The following EPG5 variants were observed in gnomAD, a reference collection of about 807,000 sequenced individuals.
EPG5 encodes ectopic P granules protein 5 homolog.
Under a neutral mutation model 302.7 loss-of-function variants are expected in EPG5, and 159 were observed. The observed-to-expected ratio is 0.53, with a 90% CI of 0.46 to 0.60. The LOEUF (loss-of-function observed/expected upper bound fraction) is 0.60, where lower values mean the gene tolerates loss of function less well. EPG5 is among the 20% of genes least tolerant of loss of function. The pLI is 0.00. For missense variants in EPG5, 2,896 were observed against 3,092.4 expected (o/e 0.94, Z 1.51); for synonymous variants, 1,158 against 1,136.8 (o/e 1.02, Z -0.37).
rs144966214 is a variant in EPG5 at position 45,914,220 on chromosome 18, G to A, written c.3694-392C>T. Among the ~76,000 whole-genome samples, 81 of 152,286 alleles carry A rather than the reference G, an allele frequency of 5.3e-4. No individual in the cohort carries two copies. In the East Asian group the frequency reaches 9.8e-3, roughly 18 times the overall value. On this transcript the variant is annotated intron_variant, in intron 20 of 43. Transcript: ENST00000282041. Reference sequence around the variant, plus strand: ...GCAAAATGTGAAGTTGAGCAGTGACGAGGACTGAGTCAAGGTAAAGTGCTA... The same window carrying A: ...GCAAAATGTGAAGTTGAGCAGTGACAAGGACTGAGTCAAGGTAAAGTGCTA...
chr18:45,926,292 T>C (rs2050266292), intron 13 of EPG5, among the ~76,000 whole-genome samples: 1 of 152,042 alleles, frequency 6.6e-6, no homozygotes, highest in South Asian at 2.1e-4. Flanking sequence ...GATACTCTAT[T>C]GGCTTCCAAG....
chr18:45,950,337 G>A (rs543464780), intron 4 of EPG5, among the ~76,000 whole-genome samples: 1 of 152,236 alleles, frequency 6.6e-6, no homozygotes, highest in Admixed American at 6.5e-5. Context: ...CTTCTCCATT[G>A]TGGGAGAGAC....
At chr18:45,840,117 G>A in the EPG5 span, 26 of 1,417,440 alleles carry the variant, frequency 1.8e-5, no homozygotes, top group South Asian at 1.1e-4. Context: ...TGGTTTCCTC[G>A]AGACCCCTTC....
chr18:45,860,045 A>G lies in EPG5; in HGVS notation c.7009+59T>C, dbSNP rs2048599951. 16 of 1,593,324 alleles carry G rather than the reference A, an allele frequency of 1.0e-5. 1 individual carries two copies. The highest frequency in any genetic ancestry group is 9.0e-5 in the South Asian group (8 of 89,112). ...TCTGGAAACATATCTGCTGATGACAATGCTTTCATCTTTCTGGAAAAGACC... is the reference window on the plus strand; with the variant it reads ...TCTGGAAACATATCTGCTGATGACAGTGCTTTCATCTTTCTGGAAAAGACC... On this transcript the variant is annotated intron_variant, in intron 40 of 43. Coordinates refer to ENST00000282041, the MANE Select transcript of EPG5 (RefSeq NM_020964.3).
the EPG5 span, among the ~76,000 whole-genome samples, chr18:45,811,856 C>G: frequency 1.3e-5 from 2 of 152,148 alleles, no homozygotes; most frequent in African/African-American, 2.4e-5. Flanking sequence ...AAAACTGGCA[C>G]AAGACAGGGA....
At chr18:45,838,154 C>A in the EPG5 span, among the ~76,000 whole-genome samples, 6 of 152,220 alleles carry the variant, frequency 3.9e-5, no homozygotes, top group East Asian at 1.2e-3. Context: ...CGTAGAGTGA[C>A]TGTCCCCAGT....
At chr18:45,839,855 C>T in the EPG5 span, among the ~76,000 whole-genome samples, 2 of 152,166 alleles carry the variant, frequency 1.3e-5, no homozygotes, top group Admixed American at 6.5e-5. Context: ...TCAGAACCCC[C>T]AGGTCCATAG....
At chr18:45,838,732 G>C in the EPG5 span, 2 of 1,578,326 alleles carry the variant, frequency 1.3e-6, no homozygotes, top group Non-Finnish European at 1.7e-6. Flanking sequence ...GCCGCGGATC[G>C]TCAACATCTC....
chr18:45,933,017 C>T (rs1944600300), intron 11 of EPG5, among the ~76,000 whole-genome samples: 1 of 152,176 alleles, frequency 6.6e-6, no homozygotes, highest in East Asian at 1.9e-4. Context: ...GGAGATGACA[C>T]TACAAAGGAG....
chr18:45,869,314 G>C (rs1488798052), intron 36 of EPG5, among the ~76,000 whole-genome samples: 1 of 152,028 alleles, frequency 6.6e-6, no homozygotes, highest in Non-Finnish European at 1.5e-5. Context: ...CTTCCTTTTA[G>C]AAAATGATTC....
chr18:45,960,659 GA>G (rs1338849813), intron 1 of EPG5, among the ~76,000 whole-genome samples: 2 of 151,938 alleles, frequency 1.3e-5, no homozygotes, highest in South Asian at 4.2e-4. Context: ...GGTATATGGG[GA>G]AAAAAACCTA....
the EPG5 span, among the ~76,000 whole-genome samples, chr18:45,811,287 C>T: frequency 1.3e-5 from 2 of 152,144 alleles, 1 homozygote; most frequent in Admixed American, 1.3e-4. Context: ...TAGAAAGCTC[C>T]TAGAACTGAT....
the EPG5 span, among the ~76,000 whole-genome samples, chr18:45,836,138 G>T: frequency 6.6e-6 from 1 of 152,184 alleles, no homozygotes; most frequent in African/African-American, 2.4e-5. Flanking sequence ...TCCTGCCCAA[G>T]GAGCAAATTG....
chr18:45,813,580 G>T, the EPG5 span, among the ~76,000 whole-genome samples: 6 of 152,174 alleles, frequency 3.9e-5, no homozygotes, highest in African/African-American at 1.4e-4. Context: ...GGAATACTAT[G>T]CAGCCATAAA....
At chr18:45,829,970 A>G in the EPG5 span, among the ~76,000 whole-genome samples, 1 of 152,232 alleles carries the variant, frequency 6.6e-6, no homozygotes, top group East Asian at 1.9e-4. Context: ...CACGACTACC[A>G]CGGGACTCAC....
intron 39 of EPG5, among the ~76,000 whole-genome samples, chr18:45,863,439 G>C (rs535240675): frequency 1.3e-5 from 2 of 151,918 alleles, no homozygotes; most frequent in Non-Finnish European, 2.9e-5. Context: ...CTATTCTTTT[G>C]GTTAATTTCT....
At chr18:45,923,229 T>C in intron 15 of EPG5, 39 bp downstream of exon 15, 1 of 1,605,982 alleles carries the variant, frequency 6.2e-7, no homozygotes. Flanking sequence ...CTTGGGAAGA[T>C]AAAGATTCAT....
intron 35 of EPG5, among the ~76,000 whole-genome samples, chr18:45,875,023 T>C (rs979788566): frequency 2.0e-5 from 3 of 152,204 alleles, no homozygotes; most frequent in African/African-American, 7.2e-5. Context: ...TTACCCTAGA[T>C]TGTGAGTCAG....
intron 22 of EPG5, 39 bp from the exon 23 acceptor site, chr18:45,910,781 C>T (rs753978832): frequency 6.6e-7 from 1 of 1,525,692 alleles, no homozygotes; most frequent in Admixed American, 1.7e-5. Flanking sequence ...CCTTTCAACA[C>T]AAGATGTACT....
Sources: gnomAD v4.1 joint callset for allele counts (sites outside exome capture counted in the v4.1 genomes callset) on GRCh38, gnomAD v4.1.1 for gene constraint, MANE v1.5 for transcripts, NCBI Gene and HGNC (gene_info 2026-07-23, HGNC 2026-07-21) for gene names.